TSBP1: variants seen among roughly 807,000 people sequenced by gnomAD.
TSBP1 encodes the protein testis expressed basic protein 1, also known as testis-expressed basic protein 1.
A neutral mutation model predicts 68.8 loss-of-function variants in TSBP1; 56 were observed. That is an observed-to-expected ratio of 0.81 (90% CI 0.66 to 1.02). The LOEUF (loss-of-function observed/expected upper bound fraction) is 1.02, where lower values mean the gene tolerates loss of function less well. TSBP1 is among the 50% of genes least tolerant of loss of function. The pLI is 0.00. For synonymous variants in TSBP1, 171 were observed against 208.7 expected, an observed-to-expected ratio of 0.82 and a Z score of 1.56; for missense variants, 502 against 641.2, an observed-to-expected ratio of 0.78 and a Z score of 2.34.
At chr6:32,349,871 T>G in intron 8 of TSBP1, 111 bp from the exon 9 acceptor site, 3 of 1,146,234 alleles carry the variant, frequency 2.6e-6, no homozygotes, top group Non-Finnish European at 4.0e-6. Context: ...TAGAAATGAG[T>G]CACAACTTAT....
At chr6:32,318,065 C>T (rs1055753355) in intron 18 of TSBP1, among the ~76,000 whole-genome samples, 2 of 152,076 alleles carry the variant, frequency 1.3e-5, no homozygotes, top group Non-Finnish European at 2.9e-5. Context: ...TGCCCGTCAA[C>T]GATAGACTGG....
chr6:32,348,563 T>C (rs1478900213), intron 9 of TSBP1, among the ~76,000 whole-genome samples: 1 of 152,178 alleles, frequency 6.6e-6, no homozygotes, highest in Non-Finnish European at 1.5e-5. Flanking sequence ...CTAAATTCCT[T>C]GGAACAAACA....
chr6:32,310,762 T>TATATATA (rs1554188790), intron 19 of TSBP1, among the ~76,000 whole-genome samples: 91 of 95,490 alleles, frequency 9.5e-4, no homozygotes, highest in African/African-American at 3.2e-3. Context: ...TATATATATA[T>TATATATA]TTTTAATCTT....
chr6:32,353,140 T>C (rs1020185702), intron 8 of TSBP1, among the ~76,000 whole-genome samples: 2 of 151,870 alleles, frequency 1.3e-5, no homozygotes, highest in African/African-American at 4.8e-5. Context: ...TTTTAAGAAT[T>C]GGAAAAGGAA....
rs995384475 is a variant in TSBP1, at chr6:32,314,450, A to G, written c.580+1322T>C. On this transcript the variant is annotated intron_variant, in intron 19 of 22. Transcript: ENST00000612031. This position sits in a 1 kb window ranked among gnomAD's most constrained non-coding sequence, Gnocchi z 4.2. ...GGCCTTGGTCTCTGTTCCCAATTAT[A>G]TGGCCCATGTGCAAACATAGACATC... Among the ~76,000 whole-genome samples, 2 of 152,176 alleles carry G rather than the reference A, an allele frequency of 1.3e-5. No homozygotes were observed. Among genetic ancestry groups the G allele is most frequent in the African/African-American group, 4.8e-5 (2 of 41,434 alleles).
chr6:32,355,147 A>G lies in TSBP1; in HGVS notation c.239-3T>C. On this transcript the variant is annotated splice_polypyrimidine_tract_variant and splice_region_variant and intron_variant, in intron 7 of 22. Coordinates refer to ENST00000612031, the Ensembl canonical transcript of TSBP1. ...ACCTAGAGAGTTGGTTGATGGTGCT[A>G]AAATACACACACAGAAAACATGAGG... The G allele has an allele frequency of 1.2e-6, 2 of 1,612,134 alleles. No individual in the cohort carries two copies. Among genetic ancestry groups the G allele is most frequent in the Non-Finnish European group, 1.7e-6 (2 of 1,179,372 alleles).
chr6:32,324,711 C>T, intron 16 of TSBP1: 2 of 1,550,068 alleles, frequency 1.3e-6, no homozygotes, highest in Non-Finnish European at 1.7e-6. Flanking sequence ...TTTTTGTTAC[C>T]CCTTTCTTGT....
At chr6:32,311,688 A>C (rs1246679103) in intron 19 of TSBP1, among the ~76,000 whole-genome samples, 1 of 152,200 alleles carries the variant, frequency 6.6e-6, no homozygotes, top group African/African-American at 2.4e-5. Context: ...GTGAGTAGTT[A>C]ACAAAGGAAT....
intron 9 of TSBP1, among the ~76,000 whole-genome samples, chr6:32,344,255 C>G (rs1472955820): frequency 3.0e-5 from 1 of 33,056 alleles, no homozygotes; most frequent in East Asian, 1.2e-3. Flanking sequence ...ATCCCTCCCC[C>G]CTCCCCCCAC....
chr6:32,339,906 G>A (rs1770145895), intron 9 of TSBP1, among the ~76,000 whole-genome samples: 1 of 152,134 alleles, frequency 6.6e-6, no homozygotes, highest in Non-Finnish European at 1.5e-5. Flanking sequence ...AAAATCAGGA[G>A]TAATAACAGA....
chr6:32,330,673 C>CACACACACACTT, intron 15 of TSBP1, 64 bp from the exon 17 acceptor site: 1 of 1,464,692 alleles, frequency 6.8e-7, no homozygotes, highest in Admixed American at 2.1e-5. Flanking sequence ...CACACACACA[C>CACACACACACTT]ACTTCTATTT....
chr6:32,347,614 G>T (rs1771200373), intron 9 of TSBP1, among the ~76,000 whole-genome samples: 1 of 152,092 alleles, frequency 6.6e-6, no homozygotes, highest in East Asian at 1.9e-4. Flanking sequence ...AGAAGCCAGG[G>T]TTGCCTTTTT....
chr6:32,324,117 G>A (rs778646453), intron 16 of TSBP1, among the ~76,000 whole-genome samples: 2 of 152,042 alleles, frequency 1.3e-5, no homozygotes, highest in Non-Finnish European at 2.9e-5. Context: ...TTATTTAAAA[G>A]GTGAGAGAAT....
Position 32,301,709 on chromosome 6 carries a change from T to A in TSBP1, c.601+900A>T, listed in dbSNP as rs1405497870. ...AGCCTGGGTGAGTGAAACGCTGTTT[T>A]AAAAAAAAAAAAAAAGCACAGAATA... On this transcript the variant is annotated intron_variant, in intron 20 of 22. Coordinates refer to ENST00000612031, the Ensembl canonical transcript of TSBP1. 4.9e-4 allele frequency among the ~76,000 whole-genome samples: 70 copies of A among 144,310 alleles called. 1 individual carries two copies. Among genetic ancestry groups the A allele is most frequent in the Middle Eastern group, 3.6e-3 (1 of 280 alleles). The allele number at this position is 144,310 out of a possible 152,430, so 94.7% of individuals were successfully genotyped here.
At chr6:32,362,288 C>A (rs868621163) in intron 6 of TSBP1, among the ~76,000 whole-genome samples, 96 of 101,252 alleles carry the variant, frequency 9.5e-4, no homozygotes, top group East Asian at 1.7e-3. Flanking sequence ...GACTCCGTCT[C>A]AAAAAAAAAA....
chr6:32,305,940 C>T (rs1377412707), intron 19 of TSBP1, among the ~76,000 whole-genome samples: 1 of 152,204 alleles, frequency 6.6e-6, no homozygotes, highest in Non-Finnish European at 1.5e-5. Context: ...TAATAAGAGA[C>T]ATAGCAGGAG....
At position 32,342,627 on chromosome 6, in the gene TSBP1, G is replaced by A. The variant is rs117144699; in HGVS notation, c.350-2989C>T. Among the ~76,000 whole-genome samples the A allele has an allele frequency of 7.0e-3, 1,066 of 152,268 alleles. 18 individuals are homozygous for A. Among genetic ancestry groups the A allele is most frequent in the East Asian group, 0.019 (100 of 5,184 alleles). ...GGCTCTAGAGTCTGCATACTTAACT[G>A]CTAGGCAATACTCCTCTGTAAATTG... On this transcript the variant is annotated intron_variant, in intron 9 of 22. Transcript: ENST00000612031.
chr6:32,301,115 A>G (rs941586769), intron 20 of TSBP1, among the ~76,000 whole-genome samples: 41 of 151,968 alleles, frequency 2.7e-4, no homozygotes, highest in African/African-American at 9.7e-4. Flanking sequence ...TGCAGCTTCC[A>G]CTTCCGGGGT....
intron 9 of TSBP1, among the ~76,000 whole-genome samples, chr6:32,345,818 G>A (rs997094190): frequency 5.9e-5 from 9 of 152,108 alleles, no homozygotes; most frequent in African/African-American, 2.2e-4. Flanking sequence ...AGTTATCACA[G>A]TCCAGTGAAT....
Sources: gnomAD v4.1 joint callset for allele counts (sites outside exome capture counted in the v4.1 genomes callset) on GRCh38, gnomAD v4.1.1 for gene constraint, Gnocchi (gnomAD v3.1) non-coding constraint, MANE v1.5 for transcripts, NCBI Gene and HGNC (gene_info 2026-07-23, HGNC 2026-07-21) for gene names.